The following ANKRD44 variants were observed in gnomAD, a reference collection of about 807,000 sequenced individuals.
The protein encoded by ANKRD44 is ankyrin repeat domain 44.
Under a neutral mutation model 116.0 loss-of-function variants are expected in ANKRD44, and 35 were observed. That is an observed-to-expected ratio of 0.30 (90% CI 0.23 to 0.40). ANKRD44 has a LOEUF of 0.40. Among genes scored for constraint, ANKRD44 ranks in the 10% least tolerant of loss-of-function variants. The pLI is 1.00. For synonymous variants in ANKRD44, 435 were observed against 461.8 expected (o/e 0.94, Z 0.74); for missense variants, 1,014 against 1,242.6 (o/e 0.82, Z 2.77).
intron 10 of ANKRD44, among the ~76,000 whole-genome samples, chr2:197,090,530 C>T (rs1251410805): frequency 2.8e-5 from 4 of 144,356 alleles, no homozygotes; most frequent in Non-Finnish European, 6.0e-5. Flanking sequence ...TCTCACCTGT[C>T]ACCCAGGCTG....
In ANKRD44 at chr2:197,203,718, C is replaced by T. The variant is rs974928963; in HGVS notation, c.28-16612G>A. Among the ~76,000 whole-genome samples, 2 of 152,146 alleles carry T rather than the reference C, an allele frequency of 1.3e-5. No homozygotes were observed. The highest frequency in any genetic ancestry group is 2.4e-5 in the African/African-American group (1 of 41,414). The stretch of plus-strand genomic sequence containing the variant: ...AGAAACAACCCAAGTGTCCACCAAC[C>T]GGCATCAACTGATGAATGGATAAAC... On this transcript the variant is annotated intron_variant, in intron 1 of 27. Transcript: ENST00000282272. The surrounding 1 kb of genome is among the most constrained non-coding windows in gnomAD (Gnocchi z 4.1).
intron 26 of ANKRD44, chr2:196,994,515 C>CT (rs541909502): frequency 0.06 from 8,553 of 143,648 alleles, 272 homozygotes; most frequent in Middle Eastern, 0.11. Flanking sequence ...TTCTTCTTTT[C>CT]TTTTTTTTTT....
chr2:197,096,158 C>G (rs1024836411), intron 10 of ANKRD44, among the ~76,000 whole-genome samples: 1 of 152,196 alleles, frequency 6.6e-6, no homozygotes, highest in South Asian at 2.1e-4. Flanking sequence ...AGCAATCGCT[C>G]TGGCATCACA....
rs60306279 is a variant in ANKRD44, at chr2:197,072,046, AGAAGGAAGGAAGGAAG to A, written c.1650+6641_1650+6656del. Among the ~76,000 whole-genome samples the A allele has an allele frequency of 6.9e-3, 773 of 111,292 alleles. 7 individuals carry two copies. The highest frequency in any genetic ancestry group is 0.041 in the South Asian group (127 of 3,076). 73.0% of individuals were successfully genotyped at this position (111,292 alleles called of 152,430 possible). The stretch of plus-strand genomic sequence containing the variant: ...AGGGAGGGAGGGATGGAGGGAGGAA[AGAAGGAAGGAAGGAAG>A]GAAGGAAGGAAGGAAGGAAGGAAGG... On this transcript the variant is annotated intron_variant, in intron 16 of 27. Transcript: ENST00000282272.
intron 4 of ANKRD44, among the ~76,000 whole-genome samples, chr2:197,127,073 T>A (rs1008093531): frequency 2.6e-5 from 4 of 152,220 alleles, no homozygotes; most frequent in African/African-American, 9.6e-5. Flanking sequence ...AGCCCTAAGG[T>A]TCATCTGAGC....
At chr2:197,097,243 G>A (rs775818811) in intron 10 of ANKRD44, among the ~76,000 whole-genome samples, 2 of 151,992 alleles carry the variant, frequency 1.3e-5, no homozygotes, top group Non-Finnish European at 2.9e-5. Context: ...TTCAAGTCTG[G>A]AAGAAAATCA....
At chr2:197,032,755 T>G (rs2076731668) in intron 16 of ANKRD44, among the ~76,000 whole-genome samples, 1 of 152,170 alleles carries the variant, frequency 6.6e-6, no homozygotes, top group South Asian at 2.1e-4. Flanking sequence ...GGCACTGAGA[T>G]TACAACTCTA....
intron 1 of ANKRD44, among the ~76,000 whole-genome samples, chr2:197,303,943 C>T (rs560463100): frequency 6.6e-5 from 10 of 152,230 alleles, no homozygotes; most frequent in East Asian, 1.9e-4. Context: ...CCTGCATTCC[C>T]GACCTCTGAA....
chr2:197,219,070 CTTTT>C (rs1185156257), intron 1 of ANKRD44, among the ~76,000 whole-genome samples: 1 of 113,056 alleles, frequency 8.8e-6, no homozygotes, highest in African/African-American at 3.3e-5. Context: ...GCTAAAGTTC[CTTTT>C]TTTTTTTTTT....
intron 1 of ANKRD44, among the ~76,000 whole-genome samples, chr2:197,307,965 T>C (rs1321859775): frequency 1.3e-5 from 2 of 151,350 alleles, no homozygotes; most frequent in Admixed American, 6.6e-5. Context: ...AGCCCAAGAG[T>C]TTGAGACCAG....
intron 1 of ANKRD44, among the ~76,000 whole-genome samples, chr2:197,214,518 G>C (rs746114015): frequency 6.6e-6 from 1 of 152,146 alleles, no homozygotes; most frequent in Non-Finnish European, 1.5e-5. Context: ...GGAAGAGTAA[G>C]AGAAAAAAGA....
chr2:197,121,386 A>G lies in ANKRD44; in HGVS notation c.852T>C (p.His284=), dbSNP rs746181230. 46 of 1,614,096 alleles carry G rather than the reference A, an allele frequency of 2.8e-5. No homozygotes were observed. Among genetic ancestry groups the G allele is most frequent in the Non-Finnish European group, 3.9e-5 (46 of 1,180,038 alleles). The part of the protein sequence containing the change: ...TPLHFAAAST[H]GALCLELLVN... ...CTAACAATTCAAGACACAAAGCACC[A>G]TGAGTGGAGGCAGCAGCAAAATGCA... The change falls in exon 8 of 28, where the codon CAT becomes CAC. Residue 284 remains histidine (H), a synonymous_variant. Coordinates refer to ENST00000282272, the MANE Select transcript of ANKRD44 (RefSeq NM_001195144.2).
Position 197,153,017 on chromosome 2 carries a change from G to A in ANKRD44, c.112-5912C>T, listed in dbSNP as rs570210847. Among the ~76,000 whole-genome samples the A allele has an allele frequency of 1.0e-3, 152 of 152,146 alleles. 1 individual carries two copies. The highest frequency in any genetic ancestry group is 3.4e-3 in the African/African-American group (142 of 41,486). Reference sequence around the variant, plus strand: ...GGATGGCTTAAGCCCAGGAAATTGAGACCAGGAGACCTCGTCTCTATTAAA... The same window carrying A: ...GGATGGCTTAAGCCCAGGAAATTGAAACCAGGAGACCTCGTCTCTATTAAA... On this transcript the variant is annotated intron_variant, in intron 2 of 27. Transcript: ENST00000282272.
intron 17 of ANKRD44, among the ~76,000 whole-genome samples, chr2:197,021,820 A>G (rs988686653): frequency 6.6e-6 from 1 of 152,212 alleles, no homozygotes; most frequent in Non-Finnish European, 1.5e-5. Flanking sequence ...TATCTCTTAA[A>G]CGTGATTAAT....
intron 1 of ANKRD44, among the ~76,000 whole-genome samples, chr2:197,275,829 T>C (rs987256222): frequency 1.1e-4 from 17 of 152,112 alleles, no homozygotes; most frequent in African/African-American, 4.1e-4. Context: ...TCCCACATGA[T>C]TTTCATAAAA....
At chr2:197,243,393 A>T (rs1454024475) in intron 1 of ANKRD44, among the ~76,000 whole-genome samples, 2 of 152,314 alleles carry the variant, frequency 1.3e-5, no homozygotes, top group African/African-American at 4.8e-5. Flanking sequence ...CAAAAAAAAA[A>T]ATGTCTTAAA....
intron 16 of ANKRD44, among the ~76,000 whole-genome samples, chr2:197,058,261 T>C (rs2077241438): frequency 6.6e-6 from 1 of 152,214 alleles, no homozygotes; most frequent in South Asian, 2.1e-4. Context: ...AATCATCTAC[T>C]GCTTCACTCC....
chr2:197,273,781 G>A (rs541586353), intron 1 of ANKRD44, among the ~76,000 whole-genome samples: 1 of 151,966 alleles, frequency 6.6e-6, no homozygotes, highest in African/African-American at 2.4e-5. Flanking sequence ...AAATGTCCTT[G>A]TCTATGCTAG....
At chr2:197,083,274 T>A in intron 14 of ANKRD44, 95 bp downstream of exon 14, 1 of 1,461,630 alleles carries the variant, frequency 6.8e-7, no homozygotes, top group Non-Finnish European at 9.1e-7. Flanking sequence ...AGTCTAACTC[T>A]TTTTCCATGA....
Sources: gnomAD v4.1 joint callset for allele counts (sites outside exome capture counted in the v4.1 genomes callset) on GRCh38, gnomAD v4.1.1 for gene constraint, Gnocchi (gnomAD v3.1) non-coding constraint, MANE v1.5 for transcripts, NCBI Gene and HGNC (gene_info 2026-07-23, HGNC 2026-07-21) for gene names.